DIAPH3: variants seen among roughly 807,000 people sequenced by gnomAD.
The protein encoded by DIAPH3 is protein diaphanous homolog 3.
DIAPH3 carries 117 observed loss-of-function variants against 144.3 expected under a neutral mutation model. The observed-to-expected ratio is 0.81, with a 90% CI of 0.70 to 0.95. DIAPH3 has a LOEUF of 0.95. Among genes scored for constraint, DIAPH3 ranks in the 40% least tolerant of loss-of-function variants. DIAPH3 has a pLI of 0.00. For missense variants in DIAPH3, 1,421 were observed against 1,412.7 expected, an observed-to-expected ratio of 1.01 and a Z score of -0.09; for synonymous variants, 519 against 488.9, an observed-to-expected ratio of 1.06 and a Z score of -0.81.
At chr13:59,787,447 G>A (rs1323178534) in intron 25 of DIAPH3, among the ~76,000 whole-genome samples, 7 of 152,178 alleles carry the variant, frequency 4.6e-5, no homozygotes, top group Non-Finnish European at 8.8e-5. Flanking sequence ...CAGGTACAGT[G>A]GCTCATGCCT....
intron 25 of DIAPH3, among the ~76,000 whole-genome samples, chr13:59,805,720 A>G (rs1036906358): frequency 6.6e-6 from 1 of 151,968 alleles, no homozygotes; most frequent in Non-Finnish European, 1.5e-5. Flanking sequence ...GAAAAACATC[A>G]TGTTTTAACA....
chr13:60,061,102 T>C (rs773268809), intron 4 of DIAPH3, among the ~76,000 whole-genome samples: 2 of 151,930 alleles, frequency 1.3e-5, no homozygotes, highest in African/African-American at 2.4e-5. Context: ...GCCTAGAAGG[T>C]CAGGAAAGCT....
intron 27 of DIAPH3, among the ~76,000 whole-genome samples, chr13:59,765,691 TA>T (rs2037830503): frequency 6.8e-6 from 1 of 148,028 alleles, no homozygotes; most frequent in Non-Finnish European, 1.5e-5. Flanking sequence ...AGTCACTGAA[TA>T]AAAACAACTA....
At chr13:60,004,064 T>C (rs2052704400) in intron 9 of DIAPH3, among the ~76,000 whole-genome samples, 1 of 152,188 alleles carries the variant, frequency 6.6e-6, no homozygotes, top group Non-Finnish European at 1.5e-5. Context: ...TTAAAAAAAA[T>C]ACTTTGTCAT....
At chr13:59,708,072 ATTT>A (rs1402234830) in intron 27 of DIAPH3, among the ~76,000 whole-genome samples, 1 of 148,468 alleles carries the variant, frequency 6.7e-6, no homozygotes, top group African/African-American at 2.5e-5. Flanking sequence ...TCATTTTATT[ATTT>A]TTTTAGAGAC....
intron 20 of DIAPH3, among the ~76,000 whole-genome samples, chr13:59,910,357 C>T (rs924122456): frequency 3.3e-5 from 5 of 151,924 alleles, no homozygotes; most frequent in Non-Finnish European, 5.9e-5. Flanking sequence ...AAGGGGCAGG[C>T]GGGGAAGAGA....
chr13:59,901,189 A>T (rs942652698), intron 20 of DIAPH3, among the ~76,000 whole-genome samples: 6 of 152,096 alleles, frequency 3.9e-5, no homozygotes, highest in Non-Finnish European at 8.8e-5. Flanking sequence ...TGATCATTTC[A>T]CCCCTTTGTT....
intron 19 of DIAPH3, among the ~76,000 whole-genome samples, 155 bp downstream of exon 19, chr13:59,916,000 T>C (rs2047199417): frequency 6.6e-6 from 1 of 152,164 alleles, no homozygotes; most frequent in Non-Finnish European, 1.5e-5. Context: ...CAGCTTTCTC[T>C]CCTGGCAATG....
chr13:59,978,083 T>C (rs1384377026), intron 14 of DIAPH3, among the ~76,000 whole-genome samples: 1 of 151,770 alleles, frequency 6.6e-6, no homozygotes, highest in African/African-American at 2.4e-5. Flanking sequence ...TTGTCTACCA[T>C]ACCAATTGCA....
intron 17 of DIAPH3, among the ~76,000 whole-genome samples, chr13:59,946,144 A>C (rs1419589565): frequency 6.6e-6 from 1 of 152,184 alleles, no homozygotes; most frequent in African/African-American, 2.4e-5. Context: ...TTTTTCATCT[A>C]TTAAATGAGA....
intron 22 of DIAPH3, among the ~76,000 whole-genome samples, chr13:59,855,278 A>G (rs1315190635): frequency 6.6e-6 from 1 of 152,162 alleles, no homozygotes; most frequent in Non-Finnish European, 1.5e-5. Context: ...ATACACTACA[A>G]ATATTTTTCA....
chr13:60,145,077 A>G (rs533530440), intron 1 of DIAPH3, among the ~76,000 whole-genome samples: 4 of 152,254 alleles, frequency 2.6e-5, no homozygotes, highest in Non-Finnish European at 5.9e-5. Context: ...CAGCAACCCT[A>G]AAAACTCGCT....
intron 17 of DIAPH3, among the ~76,000 whole-genome samples, chr13:59,941,525 G>A (rs1250866783): frequency 6.6e-6 from 1 of 152,118 alleles, no homozygotes; most frequent in East Asian, 1.9e-4. Flanking sequence ...CTTCCTGTCT[G>A]GACCTCCACA....
chr13:59,886,061 A>G (rs1799362198), intron 20 of DIAPH3, among the ~76,000 whole-genome samples: 1 of 152,122 alleles, frequency 6.6e-6, no homozygotes, highest in Admixed American at 6.6e-5. Flanking sequence ...ATATAGTACA[A>G]ATGTATACCT....
At chr13:59,848,179 T>C (rs1375292316) in intron 22 of DIAPH3, among the ~76,000 whole-genome samples, 4 of 152,094 alleles carry the variant, frequency 2.6e-5, no homozygotes, top group Non-Finnish European at 5.9e-5. Context: ...TCTACCATTA[T>C]TCATCTACAC....
At chr13:59,861,228 C>G in intron 22 of DIAPH3, 179 bp downstream of exon 22, 6 of 1,496,998 alleles carry the variant, frequency 4.0e-6, no homozygotes, top group Middle Eastern at 4.8e-4. Context: ...ACAAATTAAA[C>G]TCATAGCTCC....
chr13:59,818,203 C>T (rs1162940688), intron 24 of DIAPH3, among the ~76,000 whole-genome samples: 1 of 151,658 alleles, frequency 6.6e-6, no homozygotes, highest in Non-Finnish European at 1.5e-5. Context: ...GAAATATTTA[C>T]TATCTGGCTA....
intron 20 of DIAPH3, among the ~76,000 whole-genome samples, chr13:59,880,978 CAAAAAAAA>C (rs77481523): frequency 7.7e-5 from 5 of 64,822 alleles, no homozygotes; most frequent in Non-Finnish European, 1.6e-4. Context: ...CAACAAGGAC[CAAAAAAAA>C]AAAAAAAAAA....
At chr13:60,042,224 A>C (rs1052626546) in intron 5 of DIAPH3, among the ~76,000 whole-genome samples, 6 of 152,136 alleles carry the variant, frequency 3.9e-5, no homozygotes, top group Non-Finnish European at 1.5e-5. Flanking sequence ...TCTAGAATTG[A>C]ATATTTCTGG....
Sources: allele counts gnomAD v4.1 joint callset (sites outside exome capture counted in the v4.1 genomes callset), GRCh38; gene constraint gnomAD v4.1.1; transcripts MANE v1.5; gene names NCBI Gene and HGNC (gene_info 2026-07-23, HGNC 2026-07-21).